The following PTPRT variants were observed in gnomAD, a reference collection of about 807,000 sequenced individuals.
PTPRT encodes the protein receptor-type tyrosine-protein phosphatase T.
Under a neutral mutation model 176.8 loss-of-function variants are expected in PTPRT, and 56 were observed. The ratio of observed to expected loss-of-function variants is 0.32; its 90% CI spans 0.26 to 0.40. PTPRT has a LOEUF of 0.40. Ranked by LOEUF, PTPRT falls within the 10% of genes least tolerant of loss-of-function variation. The pLI, the probability that PTPRT is intolerant of heterozygous loss-of-function variation, is 1.00. For synonymous variants in PTPRT, 783 were observed against 739.0 expected, an observed-to-expected ratio of 1.06 and a Z score of -0.96; for missense variants, 1,540 against 1,908.2, an observed-to-expected ratio of 0.81 and a Z score of 3.60.
chr20:42,717,982 T>C (rs1356371766), intron 6 of PTPRT, among the ~76,000 whole-genome samples: 1 of 152,224 alleles, frequency 6.6e-6, no homozygotes, highest in East Asian at 1.9e-4. Context: ...CCTACCAGAA[T>C]GGCTAATATT....
chr20:42,615,506 C>T (rs1444206314), intron 7 of PTPRT, among the ~76,000 whole-genome samples: 4 of 138,980 alleles, frequency 2.9e-5, no homozygotes, highest in Non-Finnish European at 6.1e-5. Context: ...CCTGAGGAAT[C>T]GCCACAGTGA....
rs185362975 is a variant in PTPRT at position 42,844,929 on chromosome 20, C to A, written c.214+40878G>T. 1.7e-3 allele frequency among the ~76,000 whole-genome samples: 254 copies of A among 152,316 alleles called. 1 individual carries two copies. The highest frequency in any genetic ancestry group is 5.7e-3 in the African/African-American group (238 of 41,568). On this transcript the variant is annotated intron_variant, in intron 2 of 30. Coordinates refer to ENST00000373187, the MANE Select transcript of PTPRT (RefSeq NM_007050.6). ...CACCTGTTCAGGTTCATTCTCCCAG[C>A]ACCTTCTGCCAATGTGACAATAGAG...
In PTPRT at chr20:42,581,081, G is replaced by T. The variant is rs186857961; in HGVS notation, c.1153+96785C>A. Among the ~76,000 whole-genome samples the T allele has an allele frequency of 3.5e-3, 534 of 152,180 alleles. 2 individuals are homozygous for T. The highest frequency in any genetic ancestry group is 0.012 in the African/African-American group (493 of 41,512). On this transcript the variant is annotated intron_variant, in intron 7 of 30. Transcript: ENST00000373187. ...CTCTAGGCCCCCTAGCTTCCTTGCT[G>T]TTCTTTGAACATTACAAGCATGCTC...
chr20:42,366,186 A>T (rs1227989899), intron 9 of PTPRT, among the ~76,000 whole-genome samples: 7 of 152,216 alleles, frequency 4.6e-5, no homozygotes, highest in Admixed American at 3.9e-4. Flanking sequence ...TTAATGCTGA[A>T]GGTCCAGAGG....
At chr20:43,005,229 C>T (rs1392693408) in intron 1 of PTPRT, among the ~76,000 whole-genome samples, 6 of 152,140 alleles carry the variant, frequency 3.9e-5, no homozygotes, top group African/African-American at 1.4e-4. Flanking sequence ...GGTAAGGTCC[C>T]GATTCTAATG....
intron 7 of PTPRT, among the ~76,000 whole-genome samples, chr20:42,638,022 C>G (rs987558312): frequency 6.6e-6 from 1 of 152,098 alleles, no homozygotes; most frequent in Non-Finnish European, 1.5e-5. Context: ...CTTCCCAACC[C>G]AATATTCAAT....
intron 1 of PTPRT, among the ~76,000 whole-genome samples, chr20:43,093,442 G>A (rs1386821452): frequency 6.6e-6 from 1 of 152,192 alleles, no homozygotes; most frequent in Non-Finnish European, 1.5e-5. Context: ...TTTGCAAATA[G>A]GAATTGTTTC....
chr20:42,639,528 C>T (rs983195264), intron 7 of PTPRT, among the ~76,000 whole-genome samples: 5 of 152,068 alleles, frequency 3.3e-5, no homozygotes, highest in Admixed American at 6.6e-5. Flanking sequence ...ATTCCTTTCA[C>T]GAATCATTTT....
chr20:42,399,690 T>G (rs1445340817), intron 9 of PTPRT, among the ~76,000 whole-genome samples: 1 of 152,176 alleles, frequency 6.6e-6, no homozygotes, highest in African/African-American at 2.4e-5. Flanking sequence ...TGAGGAATAC[T>G]GGAGAGAGGC....
chr20:42,713,351 G>A (rs183642300), intron 6 of PTPRT, among the ~76,000 whole-genome samples: 2 of 152,086 alleles, frequency 1.3e-5, no homozygotes, highest in African/African-American at 4.8e-5. Flanking sequence ...TGCCAGCCAG[G>A]GGTTGAATAA....
chr20:42,152,642 G>C (rs1321525847), intron 17 of PTPRT, among the ~76,000 whole-genome samples: 1 of 152,186 alleles, frequency 6.6e-6, no homozygotes, highest in Non-Finnish European at 1.5e-5. Context: ...ATTCCTCCCA[G>C]CTGTGAGTCT....
chr20:42,526,949 C>CTTTTT (rs1568950900), intron 7 of PTPRT, among the ~76,000 whole-genome samples: 1 of 113,590 alleles, frequency 8.8e-6, no homozygotes, highest in African/African-American at 3.2e-5. Flanking sequence ...CTTCTTGGTT[C>CTTTTT]TTTTTTCTTT....
chr20:42,782,473 A>G (rs1600731767), intron 3 of PTPRT, among the ~76,000 whole-genome samples: 1 of 152,292 alleles, frequency 6.6e-6, no homozygotes, highest in Non-Finnish European at 1.5e-5. Context: ...TCCCTCATTG[A>G]CCAATAGTCT....
chr20:42,736,951 G>A (rs981214212), intron 6 of PTPRT, among the ~76,000 whole-genome samples: 6 of 152,218 alleles, frequency 3.9e-5, no homozygotes, highest in South Asian at 2.1e-4. Context: ...AAAAGGAGGC[G>A]TCTGAATTCT....
intron 13 of PTPRT, among the ~76,000 whole-genome samples, chr20:42,274,242 C>T (rs56344866): frequency 0.16 from 24,523 of 152,110 alleles, 2,531 homozygotes; most frequent in Non-Finnish European, 0.22. Flanking sequence ...GAGTCATTTC[C>T]GAGTGACATA....
intron 7 of PTPRT, among the ~76,000 whole-genome samples, chr20:42,523,104 C>T (rs2072206112): frequency 6.6e-6 from 1 of 152,052 alleles, no homozygotes; most frequent in African/African-American, 2.4e-5. Flanking sequence ...TACTGTTGAC[C>T]CCTTGTTTTT....
At chr20:42,826,411 C>T (rs898906556) in intron 2 of PTPRT, among the ~76,000 whole-genome samples, 3 of 152,186 alleles carry the variant, frequency 2.0e-5, no homozygotes, top group Non-Finnish European at 4.4e-5. Context: ...CCATGCAATA[C>T]ATAGACTCAA....
chr20:42,353,471 T>G (rs1232976138), intron 9 of PTPRT, among the ~76,000 whole-genome samples: 2 of 152,212 alleles, frequency 1.3e-5, no homozygotes, highest in Non-Finnish European at 2.9e-5. Context: ...ATGCCCCATG[T>G]GACATATCAT....
chr20:43,028,478 C>T (rs887203465), intron 1 of PTPRT, among the ~76,000 whole-genome samples: 2 of 152,178 alleles, frequency 1.3e-5, no homozygotes, highest in African/African-American at 4.8e-5. Context: ...ACTATCCTTA[C>T]CCCTGGTTTA....
Sources: allele counts gnomAD v4.1 joint callset (sites outside exome capture counted in the v4.1 genomes callset), GRCh38; gene constraint gnomAD v4.1.1; transcripts MANE v1.5; gene names NCBI Gene and HGNC (gene_info 2026-07-23, HGNC 2026-07-21).